IRF2: variants seen among roughly 807,000 people sequenced by gnomAD.
The protein encoded by IRF2 is interferon regulatory factor 2.
Under a neutral mutation model 40.6 loss-of-function variants are expected in IRF2, and 15 were observed. That is an observed-to-expected ratio of 0.37 (90% CI 0.25 to 0.57). The LOEUF (loss-of-function observed/expected upper bound fraction) is 0.57, where lower values mean the gene tolerates loss of function less well. Among genes scored for constraint, IRF2 ranks in the 20% least tolerant of loss-of-function variants. The pLI is 0.77. For synonymous variants in IRF2, 151 were observed against 165.5 expected (o/e 0.91, Z 0.67); for missense variants, 317 against 455.7 (o/e 0.70, Z 2.77).
At chr4:184,416,374 C>A (rs1737276161) in intron 5 of IRF2, among the ~76,000 whole-genome samples, 1 of 143,294 alleles carries the variant, frequency 7.0e-6, no homozygotes, top group African/African-American at 2.6e-5. Context: ...AACGATATGG[C>A]TAACAACTAG....
chr4:184,403,969 C>A (rs1246034650), intron 6 of IRF2, among the ~76,000 whole-genome samples: 1 of 152,154 alleles, frequency 6.6e-6, no homozygotes, highest in Non-Finnish European at 1.5e-5. Flanking sequence ...TTATTTATGG[C>A]TGGTTACTGA....
chr4:184,426,298 G>A (rs969251313), intron 2 of IRF2, among the ~76,000 whole-genome samples: 8 of 152,102 alleles, frequency 5.3e-5, no homozygotes, highest in African/African-American at 1.9e-4. Flanking sequence ...TTACAGGCGT[G>A]AGCCACTGCG....
At chr4:184,473,514 C>A (rs1739602917) in intron 1 of IRF2, among the ~76,000 whole-genome samples, 1 of 147,810 alleles carries the variant, frequency 6.8e-6, no homozygotes, top group African/African-American at 2.4e-5. Context: ...AATGACAAAG[C>A]CCCAGGGCCC....
intron 1 of IRF2, among the ~76,000 whole-genome samples, chr4:184,468,438 G>A (rs1055995991): frequency 6.6e-6 from 1 of 151,332 alleles, no homozygotes; most frequent in African/African-American, 2.4e-5. Context: ...AGTGAGCCGA[G>A]ATCACACCAC....
At chr4:184,434,756 GACAGT>G (rs150656594) in intron 1 of IRF2, among the ~76,000 whole-genome samples, 8,336 of 152,292 alleles carry the variant, frequency 0.055, 295 homozygotes, top group Middle Eastern at 0.13. Context: ...CCATGAAGTT[GACAGT>G]ACTATCCATG....
At chr4:184,424,017 A>G (rs1352941638) in intron 2 of IRF2, among the ~76,000 whole-genome samples, 1 of 152,136 alleles carries the variant, frequency 6.6e-6, no homozygotes, top group Non-Finnish European at 1.5e-5. Context: ...ATGTCTTACA[A>G]TGTATGCTGT....
intron 1 of IRF2, among the ~76,000 whole-genome samples, chr4:184,461,494 A>C (rs1006964807): frequency 1.3e-5 from 2 of 152,188 alleles, no homozygotes; most frequent in Non-Finnish European, 2.9e-5. Context: ...ATCTGGAAGA[A>C]TTAGGCTCCT....
chr4:184,445,580 T>G (rs1738474819), intron 1 of IRF2, among the ~76,000 whole-genome samples: 1 of 149,628 alleles, frequency 6.7e-6, no homozygotes, highest in Non-Finnish European at 1.5e-5. Context: ...GCTTGAACCC[T>G]GGAGGCAGAG....
chr4:184,415,236 C>T lies in IRF2; in HGVS notation c.411+2931G>A, dbSNP rs531958582. ...TAGGCCTAATGAATCACCTGCCTTC[C>T]GCTGAAGGAATCAGGTCCTTTCAAG... On this transcript the variant is annotated intron_variant, in intron 5 of 8. Coordinates refer to ENST00000393593, the MANE Select transcript of IRF2 (RefSeq NM_002199.4). Among the ~76,000 whole-genome samples the T allele has an allele frequency of 5.9e-5, 9 of 152,322 alleles. No individual in the cohort carries two copies. In the South Asian group the frequency reaches 1.2e-3, roughly 21 times the overall value.
In IRF2 at chr4:184,429,442, T is replaced by A. The variant is rs577612253; in HGVS notation, c.-6-372A>T. 2.0e-5 allele frequency among the ~76,000 whole-genome samples: 3 copies of A among 152,248 alleles called. No homozygotes were observed. In the South Asian group the frequency reaches 6.2e-4, roughly 32 times the overall value. On this transcript the variant is annotated intron_variant, in intron 1 of 8. Transcript: ENST00000393593. ...CCCCAACGCCTTTGGGGATGATCCT[T>A]CCAAGAGCCAAGGGGTGGGCAGAGC...
chr4:184,468,753 G>T (rs916123719), intron 1 of IRF2, among the ~76,000 whole-genome samples: 34 of 152,222 alleles, frequency 2.2e-4, no homozygotes, highest in African/African-American at 8.2e-4. Flanking sequence ...GGATCCAATG[G>T]TGAATAAGAG....
chr4:184,420,434 A>C (rs1186609708), intron 2 of IRF2, among the ~76,000 whole-genome samples: 1 of 152,230 alleles, frequency 6.6e-6, no homozygotes, highest in Admixed American at 6.5e-5. Context: ...CTGTGGGTCT[A>C]CTGCCTGCAA....
chr4:184,438,539 G>T (rs1738171751), intron 1 of IRF2, among the ~76,000 whole-genome samples: 1 of 152,162 alleles, frequency 6.6e-6, no homozygotes, highest in African/African-American at 2.4e-5. Context: ...AGGCTGGACT[G>T]CCTCCCGACA....
intron 7 of IRF2, among the ~76,000 whole-genome samples, chr4:184,393,304 T>C (rs1736324986): frequency 6.6e-6 from 1 of 152,260 alleles, no homozygotes; most frequent in South Asian, 2.1e-4. Flanking sequence ...TTCCATTTTA[T>C]GCTTAGCTTT....
At chr4:184,441,470 G>C (rs1031725154) in intron 1 of IRF2, among the ~76,000 whole-genome samples, 1 of 152,300 alleles carries the variant, frequency 6.6e-6, no homozygotes, top group South Asian at 2.1e-4. Context: ...TAATGTTCCT[G>C]CTACTGAAAC....
intron 1 of IRF2, among the ~76,000 whole-genome samples, chr4:184,457,747 C>T (rs1227503205): frequency 6.6e-6 from 1 of 152,164 alleles, no homozygotes; most frequent in Non-Finnish European, 1.5e-5. Context: ...TCCTCTCCAA[C>T]GCTGCAGGTG....
intron 5 of IRF2, among the ~76,000 whole-genome samples, chr4:184,409,044 C>G (rs898485125): frequency 6.6e-6 from 1 of 152,160 alleles, no homozygotes; most frequent in Admixed American, 6.5e-5. Flanking sequence ...CTAAACAGCT[C>G]TGCAAAAGCC....
intron 6 of IRF2, among the ~76,000 whole-genome samples, chr4:184,401,502 G>A (rs111851353): frequency 0.013 from 1,921 of 152,220 alleles, 20 homozygotes; most frequent in Non-Finnish European, 0.017. Context: ...GGCTATATAT[G>A]GCAGGCAGAC....
intron 1 of IRF2, among the ~76,000 whole-genome samples, chr4:184,437,865 C>T (rs1738143864): frequency 6.6e-6 from 1 of 151,512 alleles, no homozygotes; most frequent in Non-Finnish European, 1.5e-5. Context: ...CACACGATGA[C>T]ACGCGTATAG....
Sources: allele counts gnomAD v4.1 joint callset (sites outside exome capture counted in the v4.1 genomes callset), GRCh38; gene constraint gnomAD v4.1.1; transcripts MANE v1.5; gene names NCBI Gene and HGNC (gene_info 2026-07-23, HGNC 2026-07-21).